The following TMEM144 variants were observed in gnomAD, a reference collection of about 807,000 sequenced individuals.
TMEM144 encodes the protein transmembrane protein 144.
In TMEM144, 39 loss-of-function variants were observed where a neutral mutation model predicts 43.6. The observed-to-expected ratio is 0.90, with a 90% CI of 0.69 to 1.17. TMEM144 has a LOEUF of 1.17. TMEM144 is among the 50% of genes most tolerant of loss of function. The probability of loss-of-function intolerance (pLI) is 0.00; values close to 1 mark genes in which losing one functional copy is unlikely to be tolerated. For missense variants in TMEM144, 417 were observed against 411.9 expected, an observed-to-expected ratio of 1.01 and a Z score of -0.11; for synonymous variants, 154 against 133.6, an observed-to-expected ratio of 1.15 and a Z score of -1.06.
At position 158,241,546 on chromosome 4, in the gene TMEM144, C is replaced by T; in HGVS notation, c.840C>T (p.Cys280=). The T allele has an allele frequency of 1.2e-6, 2 of 1,614,038 alleles. No individual in the cohort carries two copies. The highest frequency in any genetic ancestry group is 1.7e-6 in the Non-Finnish European group (2 of 1,179,904). ...GAGTACTTTGGGCTATAGCTACCTG[C>T]TGTTGGTTCATAGCAAATCACTCTC... ...LSGVLWAIAT[C]CWFIANHSLS... is the part of the protein sequence containing the mutation. Residue 280 remains cysteine, a synonymous_variant, in exon 11 of 13, where the codon TGC becomes TGT. Transcript: ENST00000296529.
At chr4:158,219,112 CA>C (rs1199364467) in intron 5 of TMEM144, among the ~76,000 whole-genome samples, 197 bp from the exon 6 acceptor site, 5 of 151,368 alleles carry the variant, frequency 3.3e-5, no homozygotes, top group South Asian at 4.2e-4. Flanking sequence ...GCCTCCATCT[CA>C]AAAAAAAATT....
At chr4:158,234,896 T>C (rs1374279959) in intron 7 of TMEM144, 1 of 152,842 alleles carries the variant, frequency 6.5e-6, no homozygotes, top group African/African-American at 2.4e-5. Flanking sequence ...TGACAGTGAG[T>C]AACTGAAACC....
At chr4:158,239,922 G>A (rs1735542569) in intron 9 of TMEM144, among the ~76,000 whole-genome samples, 1 of 145,670 alleles carries the variant, frequency 6.9e-6, no homozygotes, top group Non-Finnish European at 1.5e-5. Flanking sequence ...GTCTCACTCT[G>A]TTGCCCAGGC....
In TMEM144 at chr4:158,253,296, T is replaced by TG. The variant is rs1311232575; in HGVS notation, c.955-147dup. 4 of 605,692 alleles carry TG rather than the reference T, an allele frequency of 6.6e-6. No individual in the cohort carries two copies. In the African/African-American group the frequency reaches 7.4e-5, roughly 11 times the overall value. 37.5% of individuals were successfully genotyped at this position (605,692 alleles called of 1,614,324 possible). Reference sequence around the variant, plus strand: ...ATTCATAAGGCTCTGCAGGGGTTTGTGAGAACCTGATTACTTGGAAGGGGT... The same window carrying TG: ...ATTCATAAGGCTCTGCAGGGGTTTGTGGAGAACCTGATTACTTGGAAGGGGT... On this transcript the variant is annotated intron_variant, in intron 12 of 12. Coordinates refer to ENST00000296529, the MANE Select transcript of TMEM144 (RefSeq NM_018342.5).
chr4:158,219,234 C>T (rs1184597547), intron 5 of TMEM144, 76 bp from the exon 6 acceptor site: 1 of 1,431,404 alleles, frequency 7.0e-7, no homozygotes, highest in East Asian at 2.3e-5. Flanking sequence ...GAATCTGGCC[C>T]CTAGTCCATG....
In TMEM144 at chr4:158,254,318, T is replaced by C. The variant is rs1448732257; in HGVS notation, c.*791T>C. ...AAGGAAACAACCACTCTTTTGAATG[T>C]ACAACTTTTTTTTCTGAAATACACT... is the stretch of plus-strand genomic sequence containing the variant. On this transcript the variant is annotated 3_prime_UTR_variant, in exon 13 of 13. Transcript: ENST00000296529. 4 of 152,176 alleles carry C rather than the reference T, an allele frequency of 2.6e-5. No homozygotes were observed. The highest frequency in any genetic ancestry group is 5.9e-5 in the Non-Finnish European group (4 of 68,044). 9.4% of individuals were successfully genotyped at this position (152,176 alleles called of 1,614,324 possible).
chr4:158,227,530 A>G (rs1161195260), intron 6 of TMEM144, among the ~76,000 whole-genome samples: 1 of 151,924 alleles, frequency 6.6e-6, no homozygotes, highest in Non-Finnish European at 1.5e-5. Context: ...TTAACTACTT[A>G]TATATATATC....
chr4:158,227,509 T>A (rs1224895342), intron 6 of TMEM144, among the ~76,000 whole-genome samples: 1 of 152,222 alleles, frequency 6.6e-6, no homozygotes, highest in African/African-American at 2.4e-5. Context: ...TAAGGTACAC[T>A]GTTTTTTTTC....
intron 6 of TMEM144, among the ~76,000 whole-genome samples, chr4:158,225,786 G>A (rs1734733591): frequency 1.3e-5 from 2 of 152,200 alleles, no homozygotes; most frequent in South Asian, 4.1e-4. Flanking sequence ...CATCCTTTCA[G>A]GTCTCTAAGG....
chr4:158,220,949 T>G (rs1340276997), intron 6 of TMEM144, among the ~76,000 whole-genome samples: 1 of 152,192 alleles, frequency 6.6e-6, no homozygotes, highest in Non-Finnish European at 1.5e-5. Flanking sequence ...TTTAACTCAG[T>G]TAAATCAGTT....
At chr4:158,231,605 A>C (rs1315738992) in intron 6 of TMEM144, among the ~76,000 whole-genome samples, 2 of 152,162 alleles carry the variant, frequency 1.3e-5, no homozygotes, top group African/African-American at 4.8e-5. Context: ...TTTTTTTTTA[A>C]ACCACATTCA....
At chr4:158,238,783 G>A (rs948036203) in intron 9 of TMEM144, among the ~76,000 whole-genome samples, 11 of 152,108 alleles carry the variant, frequency 7.2e-5, no homozygotes, top group Non-Finnish European at 1.5e-4. Flanking sequence ...TTGTTCAGGA[G>A]CACAGATGTT....
intron 6 of TMEM144, among the ~76,000 whole-genome samples, chr4:158,231,905 G>T (rs1373748709): frequency 2.6e-5 from 4 of 152,162 alleles, no homozygotes; most frequent in Non-Finnish European, 4.4e-5. Context: ...ATTGAACAAA[G>T]AAACCTAACT....
Position 158,253,458 on chromosome 4 carries a change from C to G in TMEM144, c.969C>G (p.Tyr323Ter), listed in dbSNP as rs1736314395. The G allele has an allele frequency of 6.2e-7, 1 of 1,613,254 alleles. No individual in the cohort carries two copies. Reference sequence around the variant, plus strand: ...TTCTTATTCAGGGTCTACAAAACTACCTATTAATGATACTTGCATTTTGCA... The same window carrying G: ...TTCTTATTCAGGGTCTACAAAACTAGCTATTAATGATACTTGCATTTTGCA... ...MFKEIKGLQN[Y>*]LLMILAFCII... is the part of the protein sequence containing the mutation. Residue 323 changes from tyrosine to a stop codon, truncating the protein, a stop_gained, in exon 13 of 13, where the codon TAC (tyrosine) becomes TAG (stop). Coordinates refer to ENST00000296529, the MANE Select transcript of TMEM144 (RefSeq NM_018342.5). LOFTEE classifies it high-confidence loss of function.
At chr4:158,217,511 T>C in intron 5 of TMEM144, 91 bp downstream of exon 5, 5 of 916,458 alleles carry the variant, frequency 5.5e-6, no homozygotes, top group Admixed American at 3.9e-5. Flanking sequence ...CATATGATTC[T>C]TATTCTCACA....
chr4:158,219,135 T>A (rs569837094), intron 5 of TMEM144, among the ~76,000 whole-genome samples, 175 bp from the exon 6 acceptor site: 15 of 152,144 alleles, frequency 9.9e-5, no homozygotes, highest in Non-Finnish European at 1.6e-4. Flanking sequence ...TTTTTTAATT[T>A]AAAAAAATTG....
intron 12 of TMEM144, 145 bp downstream of exon 12, chr4:158,244,494 A>C: frequency 1.7e-6 from 1 of 593,108 alleles, no homozygotes; most frequent in Non-Finnish European, 3.0e-6. Flanking sequence ...AGATGGTGAA[A>C]CCCCGTCTCT....
At chr4:158,247,231 A>G (rs1735934589) in intron 12 of TMEM144, among the ~76,000 whole-genome samples, 2 of 151,998 alleles carry the variant, frequency 1.3e-5, no homozygotes, top group African/African-American at 4.8e-5. Flanking sequence ...GTGGTACAGT[A>G]TGTCTATCAA....
intron 12 of TMEM144, among the ~76,000 whole-genome samples, chr4:158,249,263 A>C (rs1226493389): frequency 1.3e-5 from 2 of 152,208 alleles, no homozygotes; most frequent in Non-Finnish European, 2.9e-5. Context: ...TTAGATTATT[A>C]AATCTTTAAG....
Sources: gnomAD v4.1 joint callset for allele counts (sites outside exome capture counted in the v4.1 genomes callset) on GRCh38, gnomAD v4.1.1 for gene constraint, MANE v1.5 for transcripts, NCBI Gene and HGNC (gene_info 2026-07-23, HGNC 2026-07-21) for gene names.